Variants in DCAF6 observed in about 807,000 individuals in gnomAD.
DCAF6 encodes DDB1 and CUL4 associated factor 6.
Under a neutral mutation model 125.1 loss-of-function variants are expected in DCAF6, and 54 were observed. The observed-to-expected ratio is 0.43, with a 90% CI of 0.35 to 0.54. DCAF6 has a LOEUF of 0.54. DCAF6 is among the 20% of genes least tolerant of loss of function. The pLI is 0.01. For synonymous variants in DCAF6, 371 were observed against 390.4 expected (o/e 0.95, Z 0.58); for missense variants, 934 against 1,161.7 (o/e 0.80, Z 2.85).
chr1:168,004,540 A>G lies in DCAF6; in HGVS notation c.1125A>G (p.Thr375=), dbSNP rs1460653325. ...GRGRSRPRGG[T]SQSDISTLPT... ...TTAACATGTGTTTTGAAGGTGGAAC[A>G]AGTCAATCAGATATTTCAACTCTTC... The change falls in exon 10 of 22, where the codon ACA becomes ACG. Residue 375 remains threonine (T), a synonymous_variant. Transcript: ENST00000367840. 6 of 1,612,854 alleles carry G rather than the reference A, an allele frequency of 3.7e-6. No homozygotes were observed. The South Asian group carries it at 4.4e-5, about 12-fold the overall frequency.
chr1:168,016,950 A>C (rs1198676739), intron 11 of DCAF6, among the ~76,000 whole-genome samples: 1 of 152,080 alleles, frequency 6.6e-6, no homozygotes. Context: ...GACAACCTGC[A>C]CTTTATAAAT....
intron 17 of DCAF6, 74 bp downstream of exon 17, chr1:168,051,007 ACC>A (rs1689853394): frequency 9.9e-6 from 7 of 707,080 alleles, no homozygotes; most frequent in Non-Finnish European, 1.5e-5. Flanking sequence ...ACAGCTAACC[ACC>A]TTTCCTATTA....
intron 21 of DCAF6, among the ~76,000 whole-genome samples, chr1:168,074,235 G>T (rs1462439843): frequency 6.6e-6 from 1 of 152,018 alleles, no homozygotes; most frequent in South Asian, 2.1e-4. Context: ...AGGATCCAGT[G>T]GGAGCATTTA....
At chr1:168,024,278 CA>C (rs1271215833) in intron 12 of DCAF6, among the ~76,000 whole-genome samples, 1 of 147,838 alleles carries the variant, frequency 6.8e-6, no homozygotes. Context: ...ATATATTTTA[CA>C]AATGTTCCTT....
the DCAF6 span, chr1:167,917,192 G>A: frequency 5.3e-5 from 8 of 152,114 alleles, no homozygotes; most frequent in African/African-American, 1.4e-4. Context: ...TATTTGTAGC[G>A]TGGAGTAATG....
At chr1:167,870,638 CAAA>C in the DCAF6 span, among the ~76,000 whole-genome samples, 2 of 93,742 alleles carry the variant, frequency 2.1e-5, no homozygotes, top group Non-Finnish European at 2.0e-5. Context: ...ACTGAAAATA[CAAA>C]AAAAAAAAAA....
chr1:167,954,959 A>G (rs1350995082), intron 2 of DCAF6, among the ~76,000 whole-genome samples: 2 of 152,170 alleles, frequency 1.3e-5, no homozygotes, highest in African/African-American at 4.8e-5. Context: ...AATGATCTCT[A>G]TTCTGTCACT....
chr1:167,993,715 C>T (rs1370778032), intron 7 of DCAF6, among the ~76,000 whole-genome samples: 1 of 152,070 alleles, frequency 6.6e-6, no homozygotes, highest in Non-Finnish European at 1.5e-5. Context: ...CGCCATCGCA[C>T]TCCAGCCTGG....
chr1:168,007,176 T>C (rs1390042232), intron 10 of DCAF6, among the ~76,000 whole-genome samples: 1 of 152,218 alleles, frequency 6.6e-6, no homozygotes, highest in Non-Finnish European at 1.5e-5. Flanking sequence ...TGTACTCACA[T>C]TGTGATAGAA....
At chr1:167,943,081 G>A (rs1672495726) in intron 1 of DCAF6, among the ~76,000 whole-genome samples, 1 of 151,914 alleles carries the variant, frequency 6.6e-6, no homozygotes, top group Non-Finnish European at 1.5e-5. Flanking sequence ...TAATTTTTTT[G>A]TATTTTTTTA....
At chr1:168,057,684 C>G (rs544065710) in intron 17 of DCAF6, among the ~76,000 whole-genome samples, 1 of 152,296 alleles carries the variant, frequency 6.6e-6, no homozygotes, top group East Asian at 1.9e-4. Flanking sequence ...GTGGGATACA[C>G]AGACACATAT....
At chr1:168,064,469 T>G (rs1692080989) in intron 18 of DCAF6, among the ~76,000 whole-genome samples, 1 of 152,166 alleles carries the variant, frequency 6.6e-6, no homozygotes, top group African/African-American at 2.4e-5. Flanking sequence ...TACTGCCATA[T>G]TACCCTTGCT....
At chr1:167,870,793 GC>G in the DCAF6 span, among the ~76,000 whole-genome samples, 1 of 147,434 alleles carries the variant, frequency 6.8e-6, no homozygotes, top group East Asian at 2.0e-4. Flanking sequence ...TGGGCGACAA[GC>G]AAAACTCCAT....
chr1:168,040,897 A>T (rs1192383032), intron 13 of DCAF6, among the ~76,000 whole-genome samples: 1 of 151,090 alleles, frequency 6.6e-6, no homozygotes, highest in African/African-American at 2.4e-5. Flanking sequence ...TAAAAAAAAA[A>T]AAAAAACCAA....
chr1:167,930,565 T>C, the DCAF6 span, among the ~76,000 whole-genome samples: 1 of 152,186 alleles, frequency 6.6e-6, no homozygotes, highest in African/African-American at 2.4e-5. Context: ...CCTAAGAGAA[T>C]ACCAAATTAT....
intron 12 of DCAF6, among the ~76,000 whole-genome samples, chr1:168,026,724 T>C (rs1686392282): frequency 6.6e-6 from 1 of 152,040 alleles, no homozygotes; most frequent in Non-Finnish European, 1.5e-5. Context: ...TTTTTTTTAA[T>C]GTTAAGTTTG....
chr1:168,070,281 T>C (rs924457440), intron 21 of DCAF6, among the ~76,000 whole-genome samples: 6 of 152,158 alleles, frequency 3.9e-5, no homozygotes, highest in African/African-American at 1.4e-4. Context: ...ACATTTCTGC[T>C]GCCCTTATCT....
rs1687089546 is a variant in DCAF6, at chr1:168,031,527, G to A, written c.1610-6844G>A. On this transcript the variant is annotated intron_variant, in intron 12 of 21. Transcript: ENST00000367840. ...GCAGGAGACGAAAAAATGGAAATGA[G>A]AAGAAAAGCAATTCAAAACAATAAG... Among the ~76,000 whole-genome samples, 4 of 152,170 alleles carry A rather than the reference G, an allele frequency of 2.6e-5. No homozygotes were observed. The South Asian group carries it at 8.3e-4, about 32-fold the overall frequency.
At position 167,954,528 on chromosome 1, in the gene DCAF6, C is replaced by T. The variant is rs1284439766; in HGVS notation, c.159+2667C>T. Among the ~76,000 whole-genome samples the T allele has an allele frequency of 3.3e-5, 5 of 152,040 alleles. No homozygotes were observed. In the South Asian group the frequency reaches 6.2e-4, roughly 19 times the overall value. On this transcript the variant is annotated intron_variant, in intron 2 of 21. Transcript: ENST00000367840. ...AGTGCAGTGGCACAATCTCGGCTCACTGCAAGCTCCGCCTCCCGGATTCAC... is the reference window on the plus strand; with the variant it reads ...AGTGCAGTGGCACAATCTCGGCTCATTGCAAGCTCCGCCTCCCGGATTCAC...
Sources: allele counts gnomAD v4.1 joint callset (sites outside exome capture counted in the v4.1 genomes callset), GRCh38; gene constraint gnomAD v4.1.1; transcripts MANE v1.5; gene names NCBI Gene and HGNC (gene_info 2026-07-23, HGNC 2026-07-21).